Variants in RASIP1 observed in about 807,000 individuals in gnomAD.
RASIP1 encodes the protein Ras interacting protein 1.
A neutral mutation model predicts 85.3 loss-of-function variants in RASIP1; 20 were observed. That is an observed-to-expected ratio of 0.23 (90% CI 0.17 to 0.34). The LOEUF is 0.34. Ranked by LOEUF, RASIP1 falls within the 10% of genes least tolerant of loss-of-function variation. RASIP1 has a pLI of 1.00. For missense variants in RASIP1, 1,170 were observed against 1,390.9 expected, an observed-to-expected ratio of 0.84 and a Z score of 2.53; for synonymous variants, 617 against 647.1, an observed-to-expected ratio of 0.95 and a Z score of 0.71.
At position 48,724,431 on chromosome 19, in the gene RASIP1, T is replaced by A. The variant is rs2033306216; in HGVS notation, c.2450A>T (p.Gln817Leu). Residue 817 changes from glutamine (Q) to leucine (L), a missense_variant, in exon 10 of 12, where the codon CAG becomes CTG. Coordinates refer to ENST00000222145, the MANE Select transcript of RASIP1 (RefSeq NM_017805.3). The surrounding 1 kb of genome is among the most constrained non-coding windows in gnomAD (Gnocchi z 4.6). ...GGCAATGTCGCCCAGCCCAGCTCCC[T>A]GTAGCCAGTCCAAGACGAGGTCCAG... ...TNLDLVLDWL[Q>L]GAGLGDIATE... 6.2e-7 allele frequency: 1 copy of A among 1,614,164 alleles called. No individual in the cohort carries two copies. The highest frequency in any genetic ancestry group is 8.5e-7 in the Non-Finnish European group (1 of 1,180,024).
In RASIP1 at chr19:48,738,780, C is replaced by G. The variant is rs1334210913; in HGVS notation, c.823+180G>C. On this transcript the variant is annotated intron_variant, in intron 3 of 11. Transcript: ENST00000222145. The surrounding 1 kb of genome is among the most constrained non-coding windows in gnomAD (Gnocchi z 4.0). Reference sequence around the variant, plus strand: ...TCAGGCCCGCCCATCTGGCCGCCCCCGGCCCTGCTCTAGCTCTGCCTAGAG... The same window carrying G: ...TCAGGCCCGCCCATCTGGCCGCCCCGGGCCCTGCTCTAGCTCTGCCTAGAG... The G allele has an allele frequency of 1.2e-6, 1 of 811,602 alleles. No individual in the cohort carries two copies. Among genetic ancestry groups the G allele is most frequent in the Non-Finnish European group, 1.6e-6 (1 of 620,312 alleles). The allele number at this position is 811,602 out of a possible 1,614,324, so 50.3% of individuals were successfully genotyped here.
Position 48,739,445 on chromosome 19 carries a change from C to T in RASIP1, c.338G>A (p.Gly113Glu). The change falls in exon 3 of 12, where the codon GGG (glycine) becomes GAG (glutamate). Residue 113 changes from glycine (G) to glutamate (E), a missense_variant. Physicochemically the swap from Gly to Glu is moderately conservative, Grantham distance 98 (BLOSUM62 -2). Transcript: ENST00000222145. The surrounding 1 kb of genome is among the most constrained non-coding windows in gnomAD (Gnocchi z 9.2). ...CTCGCTGGCCCAGCGCTGCGCGCCC[C>T]CCGGGGTCCCAGGGCCTCCTGCGCC... ...SSGAGGPGTP[G>E]GAQRWASEKK... is the part of the protein sequence containing the mutation. 6.9e-7 allele frequency: 1 copy of T among 1,455,450 alleles called. No homozygotes were observed. The highest frequency in any genetic ancestry group is 9.0e-7 in the Non-Finnish European group (1 of 1,109,358). The allele number at this position is 1,455,450 out of a possible 1,614,324, so 90.2% of individuals were successfully genotyped here.
At position 48,720,855 on chromosome 19, in the gene RASIP1, C is replaced by T; in HGVS notation, c.2835G>A (p.Glu945=). 6.2e-7 allele frequency: 1 copy of T among 1,614,074 alleles called. No homozygotes were observed. Among genetic ancestry groups the T allele is most frequent in the Non-Finnish European group, 8.5e-7 (1 of 1,180,036 alleles). The change falls in exon 12 of 12, where the codon GAG becomes GAA. Residue 945 remains glutamate, a synonymous_variant. Transcript: ENST00000222145. The part of the protein sequence containing the change: ...RRLRRLLWDL[E]QQELPANYRH... ...GATAATTGGCTGGCAGCTCCTGCTG[C>T]TCAAGATCCCAGAGGAGGCGGCGGA...
rs2033628001 is a variant in RASIP1, at chr19:48,739,287, C to T, written c.496G>A (p.Ala166Thr). Residue 166 changes from alanine to threonine, a missense_variant, in exon 3 of 12, where the codon GCC (alanine) becomes ACC (threonine). Physicochemically the swap from Ala to Thr is moderately conservative, Grantham distance 58 (BLOSUM62 0). Coordinates refer to ENST00000222145, the MANE Select transcript of RASIP1 (RefSeq NM_017805.3). The surrounding 1 kb of genome is among the most constrained non-coding windows in gnomAD (Gnocchi z 9.2). ...TCGCGCGCCGTGGAGCGCGCCGTGG[C>T]CAGCACGCTCTTGTAGTTGGCGCCC... ...ASGANYKSVL[A>T]TARSTARELV... 6.8e-7 allele frequency: 1 copy of T among 1,460,604 alleles called. No homozygotes were observed. Among genetic ancestry groups the T allele is most frequent in the Non-Finnish European group, 9.0e-7 (1 of 1,115,228 alleles). 90.5% of individuals were successfully genotyped at this position (1,460,604 alleles called of 1,614,324 possible). A position where few individuals can be genotyped will look rare whatever the true frequency, so the allele number is the denominator to read the frequency against.
At position 48,738,782 on chromosome 19, in the gene RASIP1, G is replaced by A; in HGVS notation, c.823+178C>T. 1 of 821,486 alleles carries A rather than the reference G, an allele frequency of 1.2e-6. No homozygotes were observed. Among genetic ancestry groups the A allele is most frequent in the South Asian group, 6.2e-5 (1 of 16,172 alleles). The allele number at this position is 821,486 out of a possible 1,614,324, so 50.9% of individuals were successfully genotyped here. A position where few individuals can be genotyped will look rare whatever the true frequency, so the allele number is the denominator to read the frequency against. On this transcript the variant is annotated intron_variant, in intron 3 of 11. Transcript: ENST00000222145. This position sits in a 1 kb window ranked among gnomAD's most constrained non-coding sequence, Gnocchi z 4.0. ...AGGCCCGCCCATCTGGCCGCCCCCGGCCCTGCTCTAGCTCTGCCTAGAGTC... is the reference window on the plus strand; with the variant it reads ...AGGCCCGCCCATCTGGCCGCCCCCGACCCTGCTCTAGCTCTGCCTAGAGTC...
At position 48,720,825 on chromosome 19, in the gene RASIP1, A is replaced by C. The variant is rs1444855175; in HGVS notation, c.2865T>G (p.His955Gln). Reference sequence around the variant, plus strand: ...AAGGAGACGTGGCCACGGGAGGCCCATGGCGATAATTGGCTGGCAGCTCCT... The same window carrying C: ...AAGGAGACGTGGCCACGGGAGGCCCCTGGCGATAATTGGCTGGCAGCTCCT... ...EQQELPANYR[H>Q]GPPVATSP The change falls in exon 12 of 12, where the codon CAT becomes CAG. Residue 955 changes from histidine to glutamine, a missense_variant. Coordinates refer to ENST00000222145, the MANE Select transcript of RASIP1 (RefSeq NM_017805.3). 36 of 1,614,056 alleles carry C rather than the reference A, an allele frequency of 2.2e-5. No homozygotes were observed. Among genetic ancestry groups the C allele is most frequent in the Non-Finnish European group, 3.0e-5 (35 of 1,180,004 alleles).
chr19:48,728,833 G>A (rs2033390603), intron 5 of RASIP1, 104 bp downstream of exon 5: 3 of 1,220,348 alleles, frequency 2.5e-6, no homozygotes, highest in Non-Finnish European at 2.1e-6. Context: ...CATGGGAACA[G>A]TAGTATCCAG....
chr19:48,735,585 T>C, intron 3 of RASIP1, 34 bp from the exon 4 acceptor site: 1 of 1,486,222 alleles, frequency 6.7e-7, no homozygotes, highest in Non-Finnish European at 9.0e-7. Flanking sequence ...AGGCTGAGCC[T>C]GGAAAGACAG....
intron 3 of RASIP1, among the ~76,000 whole-genome samples, chr19:48,736,741 A>C (rs1189092528): frequency 6.6e-6 from 1 of 151,942 alleles, no homozygotes; most frequent in Non-Finnish European, 1.5e-5. Context: ...TGCCCCGAAA[A>C]CTGTGTGGCC....
chr19:48,734,702 G>A (rs1046738454), intron 4 of RASIP1, among the ~76,000 whole-genome samples: 5 of 152,064 alleles, frequency 3.3e-5, no homozygotes, highest in African/African-American at 1.2e-4. Context: ...GGTCAGGTTG[G>A]TCTTGAACTC....
Position 48,739,031 on chromosome 19 carries a change from CGCCGCGCCCAGCCGG to C in RASIP1, c.737_751del (p.Pro246_Arg250del). The stretch of plus-strand genomic sequence containing the variant: ...CTCCTCGCGGCCGCGCAACTCGAAG[CGCCGCGCCCAGCCGG>C]GCCGCGCCCGCCACAGCTCCTGCAC... On this transcript the variant is annotated inframe_deletion, in exon 3 of 12. Coordinates refer to ENST00000222145, the MANE Select transcript of RASIP1 (RefSeq NM_017805.3). The surrounding 1 kb of genome is among the most constrained non-coding windows in gnomAD (Gnocchi z 9.2). 1 of 1,246,934 alleles carries C rather than the reference CGCCGCGCCCAGCCGG, an allele frequency of 8.0e-7. No individual in the cohort carries two copies. The highest frequency in any genetic ancestry group is 3.2e-5 in the South Asian group (1 of 31,200). The allele number at this position is 1,246,934 out of a possible 1,614,324, so 77.2% of individuals were successfully genotyped here.
At chr19:48,735,101 G>C in intron 4 of RASIP1, 95 bp downstream of exon 4, 1 of 1,179,512 alleles carries the variant, frequency 8.5e-7, no homozygotes, top group Non-Finnish European at 1.2e-6. Context: ...TGAGGCTAGC[G>C]CGCCCCGGGC....
rs577846658 is a variant in RASIP1, at chr19:48,739,822, G to A, written c.138-177C>T. Among the ~76,000 whole-genome samples the A allele has an allele frequency of 7.9e-5, 12 of 152,144 alleles. No individual in the cohort carries two copies. In the South Asian group the frequency reaches 1.7e-3, roughly 21 times the overall value. ...GACAGACGCGAGGCAAAGAGAGAGA[G>A]AAAAAATAAATAAATAAAGGCAAGT... On this transcript the variant is annotated intron_variant, in intron 2 of 11. Transcript: ENST00000222145. This position sits in a 1 kb window ranked among gnomAD's most constrained non-coding sequence, Gnocchi z 9.2.
At chr19:48,728,772 GCAAACAAA>G (rs147766034) in intron 5 of RASIP1, among the ~76,000 whole-genome samples, 157 bp downstream of exon 5, 1 of 151,140 alleles carries the variant, frequency 6.6e-6, no homozygotes, top group African/African-American at 2.4e-5. Flanking sequence ...AAAAACAAAA[GCAAACAAA>G]CAAACAAACA....
chr19:48,721,862 A>G lies in RASIP1; in HGVS notation c.2684T>C (p.Val895Ala), dbSNP rs556625969. ...WDPPPAEREA[V>A]DTGDIFESFS... ...ATCCCATTGCTCCTCACCTGTGTCC[A>G]CAGCCTCCCGCTCTGCAGGGGGAGG... Residue 895 changes from valine to alanine, a missense_variant, in exon 11 of 12, where the codon GTG (valine) becomes GCG (alanine). This residue lies in a region of RASIP1 where 144 missense variants were observed against 125.5 expected (regional missense o/e 1.15). Transcript: ENST00000222145. 6.2e-7 allele frequency: 1 copy of G among 1,606,212 alleles called. No individual in the cohort carries two copies. Among genetic ancestry groups the G allele is most frequent in the South Asian group, 1.1e-5 (1 of 90,462 alleles).
chr19:48,740,364 C>A lies in RASIP1; in HGVS notation c.-4-78G>T. 1 of 1,495,352 alleles carries A rather than the reference C, an allele frequency of 6.7e-7. No individual in the cohort carries two copies. The highest frequency in any genetic ancestry group is 8.9e-7 in the Non-Finnish European group (1 of 1,118,670). 92.6% of individuals were successfully genotyped at this position (1,495,352 alleles called of 1,614,324 possible). On this transcript the variant is annotated intron_variant, in intron 1 of 11. Transcript: ENST00000222145. The surrounding 1 kb of genome is among the most constrained non-coding windows in gnomAD (Gnocchi z 5.5). ...GGTGGAGGGAACCTGGACTCCGAGT[C>A]AGAGGGAGGAGGGGGCTGGGGCTCA...
chr19:48,727,522 A>C, intron 5 of RASIP1, 92 bp from the exon 6 acceptor site: 317 of 1,346,610 alleles, frequency 2.4e-4, no homozygotes, highest in Non-Finnish European at 3.0e-4. Context: ...CACAACTCTC[A>C]TAGAGACTGG....
rs565595800 is a variant in RASIP1 at position 48,740,466 on chromosome 19, T to C, written c.-5+55A>G. The C allele has an allele frequency of 6.4e-5, 89 of 1,397,100 alleles. No homozygotes were observed. The highest frequency in any genetic ancestry group is 7.2e-5 in the Non-Finnish European group (78 of 1,081,064). The allele number at this position is 1,397,100 out of a possible 1,614,324, so 86.5% of individuals were successfully genotyped here. The stretch of plus-strand genomic sequence containing the variant: ...CTGGGATGGAAGATGGCTGGGGGAC[T>C]GAGTCTTGGGGCCCAGGGAGGAGGG... On this transcript the variant is annotated intron_variant, in intron 1 of 11. Transcript: ENST00000222145. The surrounding 1 kb of genome is among the most constrained non-coding windows in gnomAD (Gnocchi z 5.5).
intron 4 of RASIP1, among the ~76,000 whole-genome samples, chr19:48,732,169 G>A (rs1219988505): frequency 6.6e-6 from 1 of 151,152 alleles, no homozygotes; most frequent in Non-Finnish European, 1.5e-5. Flanking sequence ...CCACCTCCTG[G>A]GCTCAAGTGA....
Sources: allele counts gnomAD v4.1 joint callset (sites outside exome capture counted in the v4.1 genomes callset), GRCh38; gene constraint gnomAD v4.1.1; regional missense constraint gnomAD v4.1.1; non-coding constraint Gnocchi (gnomAD v3.1); transcripts MANE v1.5; gene names NCBI Gene and HGNC (gene_info 2026-07-23, HGNC 2026-07-21).